NARS1: variants seen among roughly 807,000 people sequenced by gnomAD.
NARS1 encodes the protein asparaginyl-tRNA synthetase 1.
Under a neutral mutation model 79.2 loss-of-function variants are expected in NARS1, and 65 were observed. The ratio of observed to expected loss-of-function variants is 0.82; its 90% CI spans 0.67 to 1.01. NARS1 has a LOEUF of 1.01. NARS1 is among the 50% of genes least tolerant of loss of function. NARS1 has a pLI of 0.00. For synonymous variants in NARS1, 229 were observed against 238.8 expected (o/e 0.96, Z 0.38); for missense variants, 649 against 673.8 (o/e 0.96, Z 0.41).
chr18:57,601,458 TA>T lies in NARS1; in HGVS notation c.*193del. 2.0e-6 allele frequency: 1 copy of T among 490,726 alleles called. No homozygotes were observed. The highest frequency in any genetic ancestry group is 3.3e-6 in the Non-Finnish European group (1 of 301,370). 30.4% of individuals were successfully genotyped at this position (490,726 alleles called of 1,614,324 possible). A position where few individuals can be genotyped will look rare whatever the true frequency, so the allele number is the denominator to read the frequency against. The stretch of plus-strand genomic sequence containing the variant: ...TTCCCGAACTTAAGAAAAAAATGGA[TA>T]TTTTTTCTTAAGATGACAACCTTAA... On this transcript the variant is annotated 3_prime_UTR_variant, in exon 14 of 14. Coordinates refer to ENST00000256854, the MANE Select transcript of NARS1 (RefSeq NM_004539.4).
At chr18:57,611,886 C>A (rs1053837753) in intron 5 of NARS1, among the ~76,000 whole-genome samples, 179 bp from the exon 6 acceptor site, 1 of 152,066 alleles carries the variant, frequency 6.6e-6, no homozygotes, top group African/African-American at 2.4e-5. Flanking sequence ...CCTTACCCTC[C>A]CAGATAGCTG....
intron 4 of NARS1, among the ~76,000 whole-genome samples, chr18:57,614,677 C>T (rs2051633065): frequency 6.6e-6 from 1 of 152,202 alleles, no homozygotes. Context: ...ATTTCAACCT[C>T]TTCATTTTAT....
intron 11 of NARS1, among the ~76,000 whole-genome samples, chr18:57,605,610 CAAAAAA>C (rs11285116): frequency 1.8e-5 from 2 of 109,656 alleles, no homozygotes; most frequent in African/African-American, 3.4e-5. Flanking sequence ...GACTCCGTCT[CAAAAAA>C]AAAAAAAAAA....
intron 2 of NARS1, among the ~76,000 whole-genome samples, chr18:57,620,005 C>A (rs1175230931): frequency 1.3e-5 from 2 of 152,192 alleles, no homozygotes; most frequent in East Asian, 3.8e-4. Context: ...AAGCTCTTGA[C>A]AAACCCCTTT....
intron 2 of NARS1, 73 bp downstream of exon 2, chr18:57,620,496 G>T: frequency 2.9e-6 from 3 of 1,032,166 alleles, no homozygotes; most frequent in Non-Finnish European, 4.4e-6. Flanking sequence ...TTAAGTTCTT[G>T]GCAAGTCACA....
intron 6 of NARS1, 92 bp downstream of exon 6, chr18:57,611,545 A>G (rs1301701947): frequency 2.4e-6 from 2 of 834,578 alleles, no homozygotes; most frequent in Non-Finnish European, 3.7e-6. Flanking sequence ...CACTGTCGAC[A>G]TAATAAATGT....
intron 2 of NARS1, among the ~76,000 whole-genome samples, chr18:57,618,605 T>C (rs1250782890): frequency 2.0e-5 from 3 of 152,152 alleles, no homozygotes; most frequent in South Asian, 2.1e-4. Context: ...TAAGAGTGGT[T>C]AAAAAGTAAA....
chr18:57,607,169 C>T lies in NARS1; in HGVS notation c.966G>A (p.Arg322=). ...GCCTTCGTGTTCTGGACTGCTCTGC[C>T]CGGTATGACTGAGCAATACAAAAAA... ...GDVFCIAQSY[R]AEQSRTRRHL... is the part of the protein sequence containing the mutation. The change falls in exon 9 of 14, where the codon CGG becomes CGA. Residue 322 remains arginine (R), a synonymous_variant. Coordinates refer to ENST00000256854, the MANE Select transcript of NARS1 (RefSeq NM_004539.4). 1 of 1,614,040 alleles carries T rather than the reference C, an allele frequency of 6.2e-7. No individual in the cohort carries two copies. Among genetic ancestry groups the T allele is most frequent in the Non-Finnish European group, 8.5e-7 (1 of 1,179,992 alleles).
intron 11 of NARS1, 56 bp downstream of exon 11, chr18:57,605,801 G>A (rs1252939746): frequency 3.0e-5 from 35 of 1,161,702 alleles, no homozygotes; most frequent in Non-Finnish European, 5.0e-6. Context: ...TTAACCAGAA[G>A]AAGAGAATTG....
Position 57,601,180 on chromosome 18 carries a change from T to C in NARS1, c.*472A>G, listed in dbSNP as rs183653451. On this transcript the variant is annotated 3_prime_UTR_variant, in exon 14 of 14. Transcript: ENST00000256854. ...GTGTTCTAATATGAGCAGATTTTTATACGATATTGCCAATTTCTTCCCCCA... is the reference window on the plus strand; with the variant it reads ...GTGTTCTAATATGAGCAGATTTTTACACGATATTGCCAATTTCTTCCCCCA... 6.5e-6 allele frequency: 1 copy of C among 154,448 alleles called. No homozygotes were observed. Among genetic ancestry groups the C allele is most frequent in the African/African-American group, 2.4e-5 (1 of 41,604 alleles). The allele number at this position is 154,448 out of a possible 1,614,324, so 9.6% of individuals were successfully genotyped here.
At chr18:57,617,533 C>G (rs1908100149) in intron 2 of NARS1, among the ~76,000 whole-genome samples, 1 of 137,962 alleles carries the variant, frequency 7.2e-6, no homozygotes, top group East Asian at 2.2e-4. Flanking sequence ...GATCGCACCA[C>G]TGCACTCCAG....
Position 57,602,817 on chromosome 18 carries a change from C to A in NARS1, c.1378G>T (p.Glu460Ter). Residue 460 changes from glutamate (E) to a stop codon, truncating the protein, a stop_gained, in exon 12 of 14, where the codon GAA becomes TAA. Transcript: ENST00000256854. LOFTEE classifies it high-confidence loss of function. ...TCTTTGAAACAGAAACTGACAGATT[C>A]AGTAAGACGGGAATCCTCAGGACAT... ...QRCPEDSRLTESVDVLMPNVG... is the reference protein window; with the variant it reads ...QRCPEDSRLT 5.6e-6 allele frequency: 9 copies of A among 1,613,854 alleles called. No homozygotes were observed. The highest frequency in any genetic ancestry group is 7.6e-6 in the Non-Finnish European group (9 of 1,179,914).
Position 57,611,692 on chromosome 18 carries a change from A to G in NARS1, c.437T>C (p.Phe146Ser). Residue 146 changes from phenylalanine (F) to serine (S), a missense_variant, in exon 6 of 14, where the codon TTT (phenylalanine) becomes TCT (serine). By Grantham distance (155) the Phe-to-Ser change is radical (BLOSUM62 -2). Coordinates refer to ENST00000256854, the MANE Select transcript of NARS1 (RefSeq NM_004539.4). ...ACCTGTACCATCTCGCAACACCAGA[A>G]ACATTAAATTCTTTCCTAAAAAATG... The part of the protein sequence containing the change: ...RLRRQGKNLM[F>S]LVLRDGTGYL... 1 of 1,590,590 alleles carries G rather than the reference A, an allele frequency of 6.3e-7. No homozygotes were observed. The highest frequency in any genetic ancestry group is 8.6e-7 in the Non-Finnish European group (1 of 1,168,502).
intron 2 of NARS1, among the ~76,000 whole-genome samples, chr18:57,618,113 C>G (rs1170621452): frequency 2.0e-5 from 3 of 146,398 alleles, no homozygotes; most frequent in African/African-American, 7.5e-5. Flanking sequence ...ACCATCTCTA[C>G]TAGAAATAAA....
chr18:57,616,238 T>C (rs1159609786), intron 2 of NARS1, among the ~76,000 whole-genome samples: 1 of 151,898 alleles, frequency 6.6e-6, no homozygotes, highest in African/African-American at 2.4e-5. Context: ...GCTAACATGG[T>C]GAAACCCCGT....
Position 57,615,933 on chromosome 18 carries a change from C to T in NARS1, c.136G>A (p.Val46Ile), listed in dbSNP as rs778022447. 1.9e-6 allele frequency: 3 copies of T among 1,612,484 alleles called. No homozygotes were observed. Among genetic ancestry groups the T allele is most frequent in the South Asian group, 2.2e-5 (2 of 90,626 alleles). The stretch of plus-strand genomic sequence containing the variant: ...CTCTCATTTTCTTTTTGTGAATCTA[C>T]GTAAATGGTAGGAAATGGTTCTTTC... The part of the protein sequence containing the change: ...VGKEPFPTIY[V>I]DSQKENERWN... The change falls in exon 3 of 14, where the codon GTA becomes ATA. Residue 46 changes from valine to isoleucine, a missense_variant. Physicochemically the swap from Val to Ile is conservative, Grantham distance 29. Coordinates refer to ENST00000256854, the MANE Select transcript of NARS1 (RefSeq NM_004539.4).
At chr18:57,609,633 A>G (rs2051589320) in intron 6 of NARS1, among the ~76,000 whole-genome samples, 190 bp from the exon 7 acceptor site, 1 of 152,264 alleles carries the variant, frequency 6.6e-6, no homozygotes, top group African/African-American at 2.4e-5. Context: ...ATCTATATAT[A>G]GACATATACA....
At chr18:57,615,480 C>T (rs918246330) in intron 4 of NARS1, among the ~76,000 whole-genome samples, 161 bp downstream of exon 4, 5 of 151,770 alleles carry the variant, frequency 3.3e-5, no homozygotes, top group Admixed American at 6.6e-5. Context: ...CCAGCCTGGG[C>T]GACAGAGCAA....
chr18:57,611,737 G>A (rs761729336), intron 5 of NARS1, 30 bp from the exon 6 acceptor site: 36 of 1,404,130 alleles, frequency 2.6e-5, no homozygotes, highest in Non-Finnish European at 3.2e-5. Flanking sequence ...AATTTAGGCA[G>A]ACTGTTCTCA....
Sources: gnomAD v4.1 joint callset for allele counts (sites outside exome capture counted in the v4.1 genomes callset) on GRCh38, gnomAD v4.1.1 for gene constraint, MANE v1.5 for transcripts, NCBI Gene and HGNC (gene_info 2026-07-23, HGNC 2026-07-21) for gene names.